SLU7: variants seen among roughly 807,000 people sequenced by gnomAD.
SLU7 encodes the protein spliceosome associated SLU7.
In SLU7, 60 loss-of-function variants were observed where a neutral mutation model predicts 87.0. The observed-to-expected ratio is 0.69, with a 90% confidence interval of 0.56 to 0.86. The LOEUF (loss-of-function observed/expected upper bound fraction) is 0.86. SLU7 is among the 40% of genes least tolerant of loss of function. SLU7 has a pLI of 0.00. For missense variants in SLU7, 507 were observed against 686.6 expected, an observed-to-expected ratio of 0.74 and a Z score of 2.92; for synonymous variants, 197 against 222.0, an observed-to-expected ratio of 0.89 and a Z score of 1.00.
In SLU7 at chr5:160,407,827, T is replaced by C. The variant is rs1765070277; in HGVS notation, c.918-14A>G. 1.3e-6 allele frequency: 2 copies of C among 1,597,400 alleles called. No individual in the cohort carries two copies. The highest frequency in any genetic ancestry group is 1.3e-5 in the African/African-American group (1 of 74,554). On this transcript the variant is annotated splice_polypyrimidine_tract_variant and intron_variant, in intron 9 of 15. Coordinates refer to ENST00000297151, the MANE Select transcript of SLU7 (RefSeq NM_006425.5). This position sits in a 1 kb window ranked among gnomAD's most constrained non-coding sequence, Gnocchi z 4.2. ...GCATAACTCACTCTGTAAATACAAATAAAGAAAATGTTTCAGAGATTGATT... is the reference window on the plus strand; with the variant it reads ...GCATAACTCACTCTGTAAATACAAACAAAGAAAATGTTTCAGAGATTGATT...
rs1765186386 is a variant in SLU7, at chr5:160,410,540, C to T, written c.640-1843G>A. Among the ~76,000 whole-genome samples the T allele has an allele frequency of 2.6e-5, 4 of 151,930 alleles. No homozygotes were observed. The South Asian group carries it at 8.3e-4, about 32-fold the overall frequency. ...ATACGTAACAAACCTGCACGTTGTG[C>T]ACATGTACCCTAAAACTTAAAGTAT... On this transcript the variant is annotated intron_variant, in intron 6 of 15. Coordinates refer to ENST00000297151, the MANE Select transcript of SLU7 (RefSeq NM_006425.5).
chr5:160,415,388 A>G, intron 1 of SLU7, 78 bp from the exon 2 acceptor site: 2 of 1,070,134 alleles, frequency 1.9e-6, no homozygotes, highest in Non-Finnish European at 2.6e-6. Context: ...ACATCCTAAT[A>G]ATATATACTG....
intron 3 of SLU7, 109 bp from the exon 4 acceptor site, chr5:160,414,088 A>T (rs1476213684): frequency 1.3e-6 from 1 of 768,034 alleles, no homozygotes; most frequent in Non-Finnish European, 2.0e-6. Flanking sequence ...TGTTAAAAGG[A>T]AAATAAGTTA....
chr5:160,418,260 A>C (rs1765539118), intron 1 of SLU7, among the ~76,000 whole-genome samples: 1 of 152,238 alleles, frequency 6.6e-6, no homozygotes, highest in Admixed American at 6.5e-5. Flanking sequence ...CAATAAGCCC[A>C]GTAGATAGGT....
intron 6 of SLU7, among the ~76,000 whole-genome samples, chr5:160,411,110 C>T (rs1765215624): frequency 6.6e-6 from 1 of 152,208 alleles, no homozygotes; most frequent in Non-Finnish European, 1.5e-5. Context: ...TTGGGATCCA[C>T]CCGCCTTGGC....
At chr5:160,404,975 T>C in intron 13 of SLU7, 56 bp downstream of exon 13, 2 of 1,541,358 alleles carry the variant, frequency 1.3e-6, no homozygotes, top group Non-Finnish European at 1.8e-6. Flanking sequence ...ATGTTTTAGT[T>C]TGACTTAGGA....
chr5:160,403,673 A>G (rs530209021), intron 15 of SLU7, among the ~76,000 whole-genome samples: 1 of 152,364 alleles, frequency 6.6e-6, no homozygotes, highest in South Asian at 2.1e-4. Context: ...AGCACAAAAC[A>G]TTCTATAACA....
chr5:160,407,930 TTCTC>T lies in SLU7; in HGVS notation c.917+37_917+40del. The T allele has an allele frequency of 6.6e-7, 1 of 1,512,152 alleles. No homozygotes were observed. The highest frequency in any genetic ancestry group is 9.2e-7 in the Non-Finnish European group (1 of 1,088,416). 93.7% of individuals were successfully genotyped at this position (1,512,152 alleles called of 1,614,324 possible). On this transcript the variant is annotated intron_variant, in intron 9 of 15. Coordinates refer to ENST00000297151, the MANE Select transcript of SLU7 (RefSeq NM_006425.5). The surrounding 1 kb of genome is among the most constrained non-coding windows in gnomAD (Gnocchi z 4.2). ...TGGTCAGGTCAGAAAACAATTAACT[TTCTC>T]TCATCTTAAAATCTGTACATTTAAC... is the stretch of plus-strand genomic sequence containing the variant.
chr5:160,410,954 C>T (rs1306579022), intron 6 of SLU7, among the ~76,000 whole-genome samples: 2 of 151,798 alleles, frequency 1.3e-5, no homozygotes, highest in African/African-American at 4.8e-5. Context: ...GCAAGCTCTG[C>T]CTCCTGGGTT....
At chr5:160,418,208 C>T (rs1164595558) in intron 1 of SLU7, among the ~76,000 whole-genome samples, 2 of 152,200 alleles carry the variant, frequency 1.3e-5, no homozygotes, top group Non-Finnish European at 2.9e-5. Context: ...AAAACAGCTA[C>T]CATTTCTCGA....
In SLU7 at chr5:160,416,715, T is replaced by C. The variant is rs148871655; in HGVS notation, c.-16-1405A>G. 3.5e-4 allele frequency among the ~76,000 whole-genome samples: 54 copies of C among 152,356 alleles called. 1 individual carries two copies. In the East Asian group the frequency reaches 9.8e-3, roughly 28 times the overall value. ...CATTCTTACTGCTACCACCCTAGTG[T>C]AAGTTATTACTTTTTCCTACTTACT... On this transcript the variant is annotated intron_variant, in intron 1 of 15. Coordinates refer to ENST00000297151, the MANE Select transcript of SLU7 (RefSeq NM_006425.5).
intron 14 of SLU7, 60 bp downstream of exon 14, chr5:160,404,749 C>G: frequency 8.5e-7 from 1 of 1,174,822 alleles, no homozygotes; most frequent in Non-Finnish European, 1.2e-6. Context: ...AACTCAGGTG[C>G]AGGTTTTAAA....
chr5:160,408,283 A>C, intron 8 of SLU7, 46 bp downstream of exon 8: 1 of 1,550,230 alleles, frequency 6.5e-7, no homozygotes. Context: ...TTATGCTGGG[A>C]AGACAAGTAT....
intron 6 of SLU7, among the ~76,000 whole-genome samples, chr5:160,409,657 T>G (rs1765152723): frequency 6.6e-6 from 1 of 152,304 alleles, no homozygotes; most frequent in Non-Finnish European, 1.5e-5. Flanking sequence ...GTGCAATGTT[T>G]TTTCAAAACA....
At chr5:160,410,990 C>T (rs1049464329) in intron 6 of SLU7, among the ~76,000 whole-genome samples, 10 of 151,536 alleles carry the variant, frequency 6.6e-5, no homozygotes, top group Non-Finnish European at 8.8e-5. Context: ...CTCAGCCTCC[C>T]GAGTAGCTGG....
At chr5:160,409,338 A>C (rs79442504) in intron 6 of SLU7, among the ~76,000 whole-genome samples, 4,443 of 135,378 alleles carry the variant, frequency 0.033, 115 homozygotes, top group Non-Finnish European at 0.051. Context: ...ATACTTTCTA[A>C]CTCCACAGAA....
chr5:160,408,291 T>C, intron 8 of SLU7, 38 bp downstream of exon 8: 1 of 1,585,408 alleles, frequency 6.3e-7, no homozygotes, highest in Non-Finnish European at 8.6e-7. Context: ...GGAAGACAAG[T>C]ATTTTTCAAA....
intron 11 of SLU7, 54 bp from the exon 12 acceptor site, chr5:160,406,683 A>G (rs1299931128): frequency 7.7e-7 from 1 of 1,296,936 alleles, no homozygotes; most frequent in African/African-American, 1.5e-5. Context: ...TTTGCATTTA[A>G]ATTTCCAGAA....
rs190715580 is a variant in SLU7, at chr5:160,406,088, A to G, written c.1287+380T>C. Among the ~76,000 whole-genome samples the G allele has an allele frequency of 1.4e-4, 22 of 152,376 alleles. No individual in the cohort carries two copies. The East Asian group carries it at 4.2e-3, about 29-fold the overall frequency. On this transcript the variant is annotated intron_variant, in intron 12 of 15. Coordinates refer to ENST00000297151, the MANE Select transcript of SLU7 (RefSeq NM_006425.5). ...TCCTCATTTTAAGGAGATATGTGAT[A>G]CAGCGTTTATGGATAAAATGTCATG...
Sources: gnomAD v4.1 joint callset for allele counts (sites outside exome capture counted in the v4.1 genomes callset) on GRCh38, gnomAD v4.1.1 for gene constraint, Gnocchi (gnomAD v3.1) non-coding constraint, MANE v1.5 for transcripts, NCBI Gene and HGNC (gene_info 2026-07-23, HGNC 2026-07-21) for gene names.